ZNF12: variants seen among roughly 807,000 people sequenced by gnomAD.
ZNF12 encodes the protein gonadotropin inducible transcription repressor 3.
Under a neutral mutation model 66.6 loss-of-function variants are expected in ZNF12, and 34 were observed. That is an observed-to-expected ratio of 0.51 (90% confidence interval 0.39 to 0.68). ZNF12 has a LOEUF of 0.68. ZNF12 is among the 30% of genes least tolerant of loss of function. ZNF12 has a pLI of 0.00. For synonymous variants in ZNF12, 320 were observed against 278.9 expected (o/e 1.15, Z -1.47); for missense variants, 697 against 826.9 (o/e 0.84, Z 1.93).
At chr7:6,704,580 A>AG in intron 2 of ZNF12, among the ~76,000 whole-genome samples, 1 of 146,434 alleles carries the variant, frequency 6.8e-6, no homozygotes, top group East Asian at 2.0e-4. Flanking sequence ...AAAAAAAAAA[A>AG]AAAAAAAAAA....
chr7:6,699,630 T>A (rs1780204042), intron 2 of ZNF12, among the ~76,000 whole-genome samples: 1 of 152,212 alleles, frequency 6.6e-6, no homozygotes. Flanking sequence ...AGTTCACGTA[T>A]GGCATTGCCC....
chr7:6,702,040 C>A (rs1780252672), intron 2 of ZNF12, among the ~76,000 whole-genome samples: 1 of 151,768 alleles, frequency 6.6e-6, no homozygotes, highest in African/African-American at 2.4e-5. Flanking sequence ...ATTTCCCTTA[C>A]AGATCCAGCC....
At chr7:6,695,871 G>A (rs889407918) in intron 4 of ZNF12, among the ~76,000 whole-genome samples, 1 of 152,184 alleles carries the variant, frequency 6.6e-6, no homozygotes, top group Non-Finnish European at 1.5e-5. Flanking sequence ...GGGAAGGAAA[G>A]CACACCCTAA....
intron 2 of ZNF12, among the ~76,000 whole-genome samples, chr7:6,699,969 C>G (rs908205891): frequency 1.3e-5 from 2 of 151,842 alleles, no homozygotes; most frequent in Non-Finnish European, 2.9e-5. Flanking sequence ...TATTTTAAAC[C>G]AGAATCCCTC....
chr7:6,692,231 TTC>T lies in ZNF12; in HGVS notation c.709_710del (p.Glu237ArgfsTer5). 1 of 1,613,980 alleles carries T rather than the reference TTC, an allele frequency of 6.2e-7. No homozygotes were observed. Among genetic ancestry groups the T allele is most frequent in the Non-Finnish European group, 8.5e-7 (1 of 1,179,858 alleles). On this transcript the variant is annotated frameshift_variant, in exon 5 of 5. Transcript: ENST00000405858. LOFTEE classifies it high-confidence loss of function. This position sits in a 1 kb window ranked among gnomAD's most constrained non-coding sequence, Gnocchi z 5.1. ...ATCCATTCCACTTATAGGGCTTTTC[TTC>T]CATGTGATTAACAAAAACAGTGTCC... ...QKDTVFVNHM[E>X]EKPYKWNGSE...
In ZNF12 at chr7:6,691,521, A is replaced by T; in HGVS notation, c.1421T>A (p.Phe474Tyr). 1 of 1,614,064 alleles carries T rather than the reference A, an allele frequency of 6.2e-7. No individual in the cohort carries two copies. The highest frequency in any genetic ancestry group is 8.5e-7 in the Non-Finnish European group (1 of 1,179,978). Residue 474 changes from phenylalanine to tyrosine, a missense_variant, in exon 5 of 5, where the codon TTC (phenylalanine) becomes TAC (tyrosine). Around this residue, in one of 3 missense-constraint regions of ZNF12, gnomAD observed 401 missense variants for 519.0 expected, o/e 0.77. Coordinates refer to ENST00000405858, the MANE Select transcript of ZNF12 (RefSeq NM_016265.4). ...TCTCATGAGGGCTGAATTCAGGTAG[A>T]AGGTTTTTCCACATTCATTACATTC... ...PYECNECGKT[F>Y]YLNSALMRHQ...
Position 6,696,073 on chromosome 7 carries a change from C to T in ZNF12, c.238+1266G>A, listed in dbSNP as rs1780149934. On this transcript the variant is annotated intron_variant, in intron 4 of 4. Coordinates refer to ENST00000405858, the MANE Select transcript of ZNF12 (RefSeq NM_016265.4). This position sits in a 1 kb window ranked among gnomAD's most constrained non-coding sequence, Gnocchi z 4.0. The stretch of plus-strand genomic sequence containing the variant: ...CCTTTAGGAAGTAAAATGTAACCAA[C>T]TATAGGCTTATCTTGTGAGGCTAGC... Among the ~76,000 whole-genome samples the T allele has an allele frequency of 6.6e-6, 1 of 152,226 alleles. No individual in the cohort carries two copies. Among genetic ancestry groups the T allele is most frequent in the Non-Finnish European group, 1.5e-5 (1 of 68,040 alleles).
At chr7:6,706,350 C>T in intron 1 of ZNF12, 82 bp downstream of exon 1, 1 of 453,406 alleles carries the variant, frequency 2.2e-6, no homozygotes, top group South Asian at 1.6e-5. Flanking sequence ...AGACCTTCCA[C>T]TGTCCCTCAC....
rs1037825427 is a variant in ZNF12 at position 6,698,242 on chromosome 7, C to T, written c.16-431G>A. On this transcript the variant is annotated intron_variant, in intron 2 of 4. Transcript: ENST00000405858. The surrounding 1 kb of genome is among the most constrained non-coding windows in gnomAD (Gnocchi z 4.4). ...CACTCCTTCTCAGTCCCTTTGCTGG[C>T]TCCTCCTCTACTCCAAGTCATCCTG... 2.7e-5 allele frequency among the ~76,000 whole-genome samples: 4 copies of T among 146,042 alleles called. No individual in the cohort carries two copies. The highest frequency in any genetic ancestry group is 4.5e-5 in the Non-Finnish European group (3 of 66,962).
intron 4 of ZNF12, among the ~76,000 whole-genome samples, chr7:6,693,432 T>C (rs1248892958): frequency 2.0e-5 from 3 of 152,246 alleles, no homozygotes; most frequent in African/African-American, 4.8e-5. Flanking sequence ...CACAGAGCTA[T>C]AGGCTTATCT....
rs1216460017 is a variant in ZNF12, at chr7:6,706,527, G to T, written c.-146C>A. 2.1e-6 allele frequency: 1 copy of T among 472,068 alleles called. No homozygotes were observed. The highest frequency in any genetic ancestry group is 1.5e-5 in the South Asian group (1 of 65,736). The allele number at this position is 472,068 out of a possible 1,614,324, so 29.2% of individuals were successfully genotyped here. A position where few individuals can be genotyped will look rare whatever the true frequency, so the allele number is the denominator to read the frequency against. ...GCGTCTGCTCGCGAGGTCCCTTCCTGTCCACCTCACCAAGGCCGTTCTGCT... is the reference window on the plus strand; with the variant it reads ...GCGTCTGCTCGCGAGGTCCCTTCCTTTCCACCTCACCAAGGCCGTTCTGCT... On this transcript the variant is annotated 5_prime_UTR_variant, in exon 1 of 5. Coordinates refer to ENST00000405858, the MANE Select transcript of ZNF12 (RefSeq NM_016265.4).
intron 2 of ZNF12, among the ~76,000 whole-genome samples, chr7:6,702,266 C>G (rs1169722856): frequency 1.4e-5 from 2 of 142,932 alleles, no homozygotes; most frequent in Non-Finnish European, 3.0e-5. Context: ...CCAGACTGCA[C>G]ATGGGAGAGT....
chr7:6,696,707 G>A lies in ZNF12; in HGVS notation c.238+632C>T, dbSNP rs1217229901. Among the ~76,000 whole-genome samples, 2 of 152,124 alleles carry A rather than the reference G, an allele frequency of 1.3e-5. No homozygotes were observed. Among genetic ancestry groups the A allele is most frequent in the South Asian group, 4.1e-4 (2 of 4,826 alleles). ...GACAGGGTATCATTCAAGGCATTGG[G>A]AACAGAACAGAAAATAAGAAACAAG... On this transcript the variant is annotated intron_variant, in intron 4 of 4. Transcript: ENST00000405858. The surrounding 1 kb of genome is among the most constrained non-coding windows in gnomAD (Gnocchi z 4.0).
At chr7:6,693,132 G>T (rs1450209604) in intron 4 of ZNF12, among the ~76,000 whole-genome samples, 1 of 152,178 alleles carries the variant, frequency 6.6e-6, no homozygotes, top group Non-Finnish European at 1.5e-5. Context: ...TCATTTAGGG[G>T]GAGGTAAAGC....
intron 2 of ZNF12, among the ~76,000 whole-genome samples, chr7:6,704,686 G>A (rs929640639): frequency 7.8e-6 from 1 of 127,752 alleles, no homozygotes; most frequent in Non-Finnish European, 1.6e-5. Context: ...GTTGCACTGA[G>A]CTGAGATAGC....
At position 6,697,459 on chromosome 7, in the gene ZNF12, C is replaced by G; in HGVS notation, c.143-25G>C. 3.1e-6 allele frequency: 5 copies of G among 1,601,716 alleles called. No individual in the cohort carries two copies. The highest frequency in any genetic ancestry group is 3.4e-6 in the Non-Finnish European group (4 of 1,172,988). ...CCTGTTAATGAGAAATGAAAGAGAACTTGAGCCCAGGCCGGTTGGCTTCAG... is the reference window on the plus strand; with the variant it reads ...CCTGTTAATGAGAAATGAAAGAGAAGTTGAGCCCAGGCCGGTTGGCTTCAG... On this transcript the variant is annotated intron_variant, in intron 3 of 4. Transcript: ENST00000405858. This position sits in a 1 kb window ranked among gnomAD's most constrained non-coding sequence, Gnocchi z 6.1.
At position 6,699,713 on chromosome 7, in the gene ZNF12, G is replaced by A. The variant is rs144267900; in HGVS notation, c.16-1902C>T. Reference sequence around the variant, plus strand: ...CTGGTTTCCTTTATTCAAGTGGTAGGTCCCTGCTTAGTATGTCCACCTGAT... The same window carrying A: ...CTGGTTTCCTTTATTCAAGTGGTAGATCCCTGCTTAGTATGTCCACCTGAT... On this transcript the variant is annotated intron_variant, in intron 2 of 4. Coordinates refer to ENST00000405858, the MANE Select transcript of ZNF12 (RefSeq NM_016265.4). Among the ~76,000 whole-genome samples, 555 of 152,274 alleles carry A rather than the reference G, an allele frequency of 3.6e-3. 2 individuals carry two copies. The highest frequency in any genetic ancestry group is 5.7e-3 in the Non-Finnish European group (385 of 68,028).
At chr7:6,702,303 A>AACGCACAC (rs1780258099) in intron 2 of ZNF12, among the ~76,000 whole-genome samples, 1 of 122,812 alleles carries the variant, frequency 8.1e-6, no homozygotes, top group African/African-American at 3.0e-5. Context: ...AAACTCCACA[A>AACGCACAC]ACACACACAC....
In ZNF12 at chr7:6,691,684, G is replaced by T; in HGVS notation, c.1258C>A (p.Arg420Ser). Residue 420 changes from arginine to serine, a missense_variant, in exon 5 of 5, where the codon CGC becomes AGC. By Grantham distance (110) the Arg-to-Ser change is moderately radical. Coordinates refer to ENST00000405858, the MANE Select transcript of ZNF12 (RefSeq NM_016265.4). ...KCSECGKCFC[R>S]KSTLTTHLRT... ...AGGTGGGTCGTGAGAGTAGACTTGC[G>T]GCAGAAGCATTTCCCACATTCACTA... 1.2e-6 allele frequency: 2 copies of T among 1,613,190 alleles called. No individual in the cohort carries two copies. Among genetic ancestry groups the T allele is most frequent in the Non-Finnish European group, 1.7e-6 (2 of 1,179,692 alleles).
Sources: allele counts gnomAD v4.1 joint callset (sites outside exome capture counted in the v4.1 genomes callset), GRCh38; gene constraint gnomAD v4.1.1; regional missense constraint gnomAD v4.1.1; non-coding constraint Gnocchi (gnomAD v3.1); transcripts MANE v1.5; gene names NCBI Gene and HGNC (gene_info 2026-07-23, HGNC 2026-07-21).